Variants in NLGN4X observed in about 807,000 individuals in gnomAD.
NLGN4X encodes neuroligin 4 X-linked, also known as neuroligin-4, X-linked.
NLGN4X carries 3 observed loss-of-function variants against 40.3 expected under a neutral mutation model. That is an observed-to-expected ratio of 0.07 (90% CI 0.03 to 0.19). The LOEUF (loss-of-function observed/expected upper bound fraction) is 0.19, where lower values mean the gene tolerates loss of function less well. NLGN4X is among the 10% of genes least tolerant of loss of function. The probability of loss-of-function intolerance (pLI) is 1.00; values close to 1 mark genes in which losing one functional copy is unlikely to be tolerated. For missense variants in NLGN4X, 382 were observed against 708.3 expected, an observed-to-expected ratio of 0.54 and a Z score of 5.23; for synonymous variants, 270 against 306.8, an observed-to-expected ratio of 0.88 and a Z score of 1.25.
At chrX:5,899,071 G>C (rs1475996851) in intron 5 of NLGN4X, among the ~76,000 whole-genome samples, 2 of 112,350 alleles carry the variant, frequency 1.8e-5, no homozygotes, top group Non-Finnish European at 3.8e-5. Flanking sequence ...TGCCATGGAG[G>C]TGTGATCACT....
At chrX:6,133,404 T>C (rs1171157921) in intron 2 of NLGN4X, among the ~76,000 whole-genome samples, 1 of 112,377 alleles carries the variant, frequency 8.9e-6, no homozygotes, top group African/African-American at 3.2e-5. Flanking sequence ...TGAACACAGA[T>C]ATACTTTGCA....
chrX:6,122,402 G>A (rs1164526098), intron 2 of NLGN4X, among the ~76,000 whole-genome samples: 1 of 110,526 alleles, frequency 9.0e-6, no homozygotes, highest in Non-Finnish European at 1.9e-5. Flanking sequence ...CCATGCCCAG[G>A]TAATTTTTGT....
chrX:6,089,823 G>A (rs2038593362), intron 2 of NLGN4X, among the ~76,000 whole-genome samples: 1 of 112,293 alleles, frequency 8.9e-6, no homozygotes. Context: ...AGGAAAGCAA[G>A]GGGCCAGACA....
intron 1 of NLGN4X, among the ~76,000 whole-genome samples, chrX:6,155,585 A>G (rs973932720): frequency 2.7e-5 from 3 of 111,761 alleles, no homozygotes; most frequent in African/African-American, 9.8e-5. Context: ...TGCACACACA[A>G]GTCCTCCATC....
chrX:5,965,003 T>C (rs756407255), intron 3 of NLGN4X, among the ~76,000 whole-genome samples: 8 of 112,089 alleles, frequency 7.1e-5, no homozygotes, highest in Non-Finnish European at 1.1e-4. Flanking sequence ...CTAATATACA[T>C]AGAACACGGA....
chrX:5,972,985 A>T (rs754307143), intron 3 of NLGN4X, among the ~76,000 whole-genome samples: 1 of 112,684 alleles, frequency 8.9e-6, no homozygotes, highest in East Asian at 2.8e-4. Context: ...AATATATAAA[A>T]GTAATTAAGT....
intron 1 of NLGN4X, among the ~76,000 whole-genome samples, chrX:6,219,737 T>C (rs1925487763): frequency 9.1e-6 from 1 of 110,111 alleles, no homozygotes; most frequent in South Asian, 3.9e-4. Flanking sequence ...ATCCTTAAAG[T>C]ATTAAAGAGA....
Position 5,892,809 on chromosome X carries a change from G to C in NLGN4X, c.*8C>G, listed in dbSNP as rs1173044076. On this transcript the variant is annotated 3_prime_UTR_variant, in exon 6 of 6. Coordinates refer to ENST00000381095, the MANE Select transcript of NLGN4X (RefSeq NM_181332.3). ...GGGCAGAGGGATAGGAAGGGAAATA[G>C]GGCAAAGCTATACTCTAGTGGTGGA... 11 of 1,208,650 alleles carry C rather than the reference G, an allele frequency of 9.1e-6. No homozygotes were observed. The highest frequency in any genetic ancestry group is 1.8e-5 in the African/African-American group (1 of 56,763).
chrX:6,089,548 TC>T (rs972738495), intron 2 of NLGN4X, among the ~76,000 whole-genome samples: 7 of 112,581 alleles, frequency 6.2e-5, no homozygotes, highest in Non-Finnish European at 1.3e-4. Flanking sequence ...ATTAACTTAA[TC>T]TTTTTCTTGC....
At chrX:6,159,303 C>T (rs1474188020) in intron 1 of NLGN4X, among the ~76,000 whole-genome samples, 1 of 111,602 alleles carries the variant, frequency 9.0e-6, no homozygotes, top group Non-Finnish European at 1.9e-5. Context: ...TGGGAATGTT[C>T]TCTTTCCTTG....
chrX:6,225,779 A>AC (rs1294143549), intron 1 of NLGN4X, among the ~76,000 whole-genome samples: 2 of 77,677 alleles, frequency 2.6e-5, no homozygotes, highest in Middle Eastern at 7.4e-3. Context: ...GCTCACGCAC[A>AC]CCACCCCCTT....
chrX:6,136,891 C>G (rs1417108346), intron 2 of NLGN4X, among the ~76,000 whole-genome samples: 1 of 112,170 alleles, frequency 8.9e-6, no homozygotes, highest in Non-Finnish European at 1.9e-5. Context: ...GAGCTTTGCC[C>G]TGGACAGAGC....
At chrX:6,086,131 G>A (rs1046093460) in intron 2 of NLGN4X, among the ~76,000 whole-genome samples, 2 of 111,992 alleles carry the variant, frequency 1.8e-5, no homozygotes, top group South Asian at 3.7e-4. Flanking sequence ...TAAACTTACT[G>A]GATACCAAAT....
intron 1 of NLGN4X, among the ~76,000 whole-genome samples, chrX:6,225,899 C>CCA (rs369941000): frequency 0.016 from 1,384 of 84,396 alleles, 77 homozygotes; most frequent in African/African-American, 0.063. Context: ...CCGCCCCCCC[C>CCA]AAAAAAAATG....
At chrX:6,002,551 T>C (rs1273744981) in intron 3 of NLGN4X, among the ~76,000 whole-genome samples, 1 of 112,328 alleles carries the variant, frequency 8.9e-6, no homozygotes, top group Non-Finnish European at 1.9e-5. Flanking sequence ...AATTAAACGT[T>C]TTTGAACTTC....
chrX:5,919,788 G>A (rs938106804), intron 3 of NLGN4X, among the ~76,000 whole-genome samples: 13 of 111,794 alleles, frequency 1.2e-4, no homozygotes, highest in South Asian at 7.5e-4. Flanking sequence ...TATCTTCCGT[G>A]AAATCAGTCC....
At chrX:5,957,739 T>C (rs2034537657) in intron 3 of NLGN4X, among the ~76,000 whole-genome samples, 1 of 111,569 alleles carries the variant, frequency 9.0e-6, no homozygotes, top group Non-Finnish European at 1.9e-5. Flanking sequence ...AATTATGCAA[T>C]CCCCTAAAAA....
chrX:6,215,089 G>A (rs903329124), intron 1 of NLGN4X, among the ~76,000 whole-genome samples: 1 of 112,114 alleles, frequency 8.9e-6, no homozygotes, highest in Admixed American at 9.4e-5. Flanking sequence ...AATCGCTGCT[G>A]CATAATAAAG....
At chrX:6,059,026 T>C (rs2037704538) in intron 2 of NLGN4X, among the ~76,000 whole-genome samples, 2 of 111,295 alleles carry the variant, frequency 1.8e-5, no homozygotes, top group Admixed American at 9.5e-5. Flanking sequence ...TGACTATTGA[T>C]CAAAGTGAAT....
Sources: allele counts gnomAD v4.1 joint callset (sites outside exome capture counted in the v4.1 genomes callset), GRCh38; gene constraint gnomAD v4.1.1; transcripts MANE v1.5; gene names NCBI Gene and HGNC (gene_info 2026-07-23, HGNC 2026-07-21).